The following STXBP6 variants were observed in gnomAD, a reference collection of about 807,000 sequenced individuals.
STXBP6 encodes the protein syntaxin-binding protein 6.
Under a neutral mutation model 26.9 loss-of-function variants are expected in STXBP6, and 21 were observed. The observed-to-expected ratio is 0.78, with a 90% CI of 0.55 to 1.12. The LOEUF (loss-of-function observed/expected upper bound fraction) is 1.12, where lower values mean the gene tolerates loss of function less well. Ranked by LOEUF, STXBP6 falls within the 50% of genes most tolerant of loss-of-function variation. The pLI is 0.00. For missense variants in STXBP6, 232 were observed against 257.9 expected, an observed-to-expected ratio of 0.90 and a Z score of 0.69; for synonymous variants, 97 against 92.6, an observed-to-expected ratio of 1.05 and a Z score of -0.27.
At chr14:24,918,219 A>G (rs2071838586) in intron 2 of STXBP6, among the ~76,000 whole-genome samples, 1 of 151,998 alleles carries the variant, frequency 6.6e-6, no homozygotes, top group South Asian at 2.1e-4. Context: ...AGATGTGTGA[A>G]TAAACTAAAA....
At chr14:24,984,406 G>GTGAGA (rs2074281531) in intron 1 of STXBP6, among the ~76,000 whole-genome samples, 2 of 152,292 alleles carry the variant, frequency 1.3e-5, no homozygotes, top group East Asian at 3.9e-4. Context: ...CTTCACAGCA[G>GTGAGA]TGAGAGGCAC....
At position 24,940,668 on chromosome 14, in the gene STXBP6, C is replaced by T. The variant is rs376640625; in HGVS notation, c.154+33997G>A. On this transcript the variant is annotated intron_variant, in intron 2 of 5. Transcript: ENST00000323944. ...TCAATCATCTTCCTCCCTGACTCCACGGCAACTTCCCCCACTCTACTCTAC... is the reference window on the plus strand; with the variant it reads ...TCAATCATCTTCCTCCCTGACTCCATGGCAACTTCCCCCACTCTACTCTAC... Among the ~76,000 whole-genome samples the T allele has an allele frequency of 5.3e-5, 8 of 152,140 alleles. 2 individuals carry two copies. Among genetic ancestry groups the T allele is most frequent in the Admixed American group, 3.9e-4 (6 of 15,276 alleles).
chr14:24,920,122 A>G (rs2071927901), intron 2 of STXBP6, among the ~76,000 whole-genome samples: 1 of 152,076 alleles, frequency 6.6e-6, no homozygotes, highest in Admixed American at 6.6e-5. Context: ...ACGTATCAAA[A>G]AGCACTACAA....
intron 1 of STXBP6, among the ~76,000 whole-genome samples, chr14:24,978,918 T>C (rs1426606776): frequency 6.6e-6 from 1 of 152,190 alleles, no homozygotes; most frequent in Non-Finnish European, 1.5e-5. Flanking sequence ...AGGTGTAAGA[T>C]GCAACATTTT....
At chr14:24,969,167 T>C (rs2073827362) in intron 2 of STXBP6, among the ~76,000 whole-genome samples, 1 of 152,206 alleles carries the variant, frequency 6.6e-6, no homozygotes. Flanking sequence ...AAAATTTTGC[T>C]CTCCCTACAA....
intron 2 of STXBP6, among the ~76,000 whole-genome samples, chr14:24,905,709 T>C (rs554571814): frequency 1.3e-5 from 2 of 152,342 alleles, no homozygotes; most frequent in South Asian, 4.1e-4. Context: ...AAATGCTGTC[T>C]TTCATTTACT....
At chr14:24,921,342 A>G (rs2071970340) in intron 2 of STXBP6, among the ~76,000 whole-genome samples, 1 of 152,148 alleles carries the variant, frequency 6.6e-6, no homozygotes. Flanking sequence ...CTAACACTTT[A>G]ATAAGGTGCT....
intron 2 of STXBP6, among the ~76,000 whole-genome samples, chr14:24,903,949 G>A (rs769338370): frequency 3.9e-5 from 6 of 152,150 alleles, no homozygotes; most frequent in Non-Finnish European, 8.8e-5. Flanking sequence ...TTCCCATCCT[G>A]ACCAAATCTT....
At chr14:24,892,710 C>T (rs1241610) in intron 2 of STXBP6, among the ~76,000 whole-genome samples, 89,214 of 151,964 alleles carry the variant, frequency 0.59, 26,548 homozygotes, top group East Asian at 0.76. Context: ...TGCAATCCTC[C>T]GGGCCATGCT....
chr14:24,823,474 TA>T (rs2068198788), intron 4 of STXBP6, among the ~76,000 whole-genome samples: 3 of 152,196 alleles, frequency 2.0e-5, no homozygotes, highest in African/African-American at 7.2e-5. Flanking sequence ...TCCTTAATTC[TA>T]TTGCTAGTAA....
intron 2 of STXBP6, among the ~76,000 whole-genome samples, chr14:24,877,949 G>C (rs1005386155): frequency 8.5e-5 from 13 of 152,116 alleles, no homozygotes; most frequent in Admixed American, 7.2e-4. Context: ...GCCAATTTGA[G>C]AGATGAGAAA....
chr14:24,882,260 T>C (rs2139437350), intron 2 of STXBP6, among the ~76,000 whole-genome samples: 1 of 147,748 alleles, frequency 6.8e-6, no homozygotes, highest in South Asian at 2.2e-4. Context: ...GCGCCTGTAG[T>C]CCCAGCTACT....
chr14:24,984,611 C>T (rs976445212), intron 1 of STXBP6, among the ~76,000 whole-genome samples: 16 of 152,186 alleles, frequency 1.1e-4, no homozygotes, highest in African/African-American at 3.6e-4. Flanking sequence ...GTCAACTTCA[C>T]GAATTCATGC....
Position 24,998,254 on chromosome 14 carries a change from G to A in STXBP6, c.-32-23404C>T, listed in dbSNP as rs111796765. 2.2e-3 allele frequency among the ~76,000 whole-genome samples: 332 copies of A among 152,278 alleles called. 1 individual carries two copies. Among genetic ancestry groups the A allele is most frequent in the African/African-American group, 7.1e-3 (297 of 41,570 alleles). ...AAATGTGCATTTCTTGGGTTATTAT[G>A]TTGATTGTCTTTGTATATGGTTGTC... On this transcript the variant is annotated intron_variant, in intron 1 of 5. Transcript: ENST00000323944.
chr14:24,896,456 G>A (rs2070995461), intron 2 of STXBP6, among the ~76,000 whole-genome samples: 1 of 152,070 alleles, frequency 6.6e-6, no homozygotes, highest in African/African-American at 2.4e-5. Context: ...CAGTTACCTG[G>A]GTCCCACTCA....
chr14:24,924,748 T>C (rs78003985), intron 2 of STXBP6, among the ~76,000 whole-genome samples: 4,850 of 152,214 alleles, frequency 0.032, 202 homozygotes, highest in African/African-American at 0.1. Context: ...TGGGGGAACT[T>C]GCAATCAGTG....
intron 2 of STXBP6, among the ~76,000 whole-genome samples, chr14:24,861,403 A>G (rs2069533043): frequency 6.6e-6 from 1 of 152,178 alleles, no homozygotes; most frequent in Non-Finnish European, 1.5e-5. Flanking sequence ...AGCTTCTGAA[A>G]TGAGGGTTCA....
intron 2 of STXBP6, among the ~76,000 whole-genome samples, chr14:24,938,071 A>T (rs971869312): frequency 2.0e-5 from 3 of 152,236 alleles, no homozygotes; most frequent in African/African-American, 7.2e-5. Context: ...TGATGCACAC[A>T]TTGTACAAGA....
At chr14:25,006,613 T>A (rs1476501812) in intron 1 of STXBP6, among the ~76,000 whole-genome samples, 1 of 152,204 alleles carries the variant, frequency 6.6e-6, no homozygotes, top group Non-Finnish European at 1.5e-5. Flanking sequence ...TGTGTCCACA[T>A]TCCCATTAAG....
Sources: allele counts gnomAD v4.1 joint callset (sites outside exome capture counted in the v4.1 genomes callset), GRCh38; gene constraint gnomAD v4.1.1; transcripts MANE v1.5; gene names NCBI Gene and HGNC (gene_info 2026-07-23, HGNC 2026-07-21).